The following ZC3HC1 variants were observed in gnomAD, a reference collection of about 807,000 sequenced individuals.
ZC3HC1 encodes zinc finger C3HC-type containing 1, also known as zinc finger C3HC-type protein 1.
ZC3HC1 carries 38 observed loss-of-function variants against 61.9 expected under a neutral mutation model. The observed-to-expected ratio is 0.61, with a 90% CI of 0.47 to 0.81. The LOEUF (loss-of-function observed/expected upper bound fraction) is 0.81, where lower values mean the gene tolerates loss of function less well. Among genes scored for constraint, ZC3HC1 ranks in the 30% least tolerant of loss-of-function variants. The pLI is 0.00. For missense variants in ZC3HC1, 554 were observed against 622.7 expected (o/e 0.89, Z 1.17); for synonymous variants, 213 against 229.9 (o/e 0.93, Z 0.67).
At chr7:130,041,147 T>A (rs1794650239) in intron 2 of ZC3HC1, 46 bp from the exon 3 acceptor site, 1 of 1,368,454 alleles carries the variant, frequency 7.3e-7, no homozygotes, top group Admixed American at 2.4e-5. Flanking sequence ...TATATATATG[T>A]GTGTGTATGT....
intron 2 of ZC3HC1, chr7:130,043,528 A>G (rs1794758529): frequency 1.2e-5 from 2 of 163,488 alleles, no homozygotes; most frequent in East Asian, 1.8e-4. Flanking sequence ...CAAAATGTTG[A>G]TCAATTTATA....
intron 2 of ZC3HC1, among the ~76,000 whole-genome samples, chr7:130,047,169 G>A (rs1420746130): frequency 1.3e-5 from 2 of 152,060 alleles, no homozygotes; most frequent in African/African-American, 4.8e-5. Context: ...CACCATGTTG[G>A]CCAGGCTGGT....
chr7:130,050,480 G>C (rs200647596), intron 1 of ZC3HC1: 3 of 1,516,634 alleles, frequency 2.0e-6, no homozygotes, highest in Non-Finnish European at 2.6e-6. Flanking sequence ...GCCTCAAGCG[G>C]GTGTGGTTCT....
At position 130,018,562 on chromosome 7, in the gene ZC3HC1, A is replaced by C; in HGVS notation, c.*102T>G. The stretch of plus-strand genomic sequence containing the variant: ...AGGGGGCTCCTTATGATTAACCCAG[A>C]ACAGGAAAAACTTAGTGTCAGCTGA... On this transcript the variant is annotated 3_prime_UTR_variant, in exon 10 of 10. Coordinates refer to ENST00000358303, the MANE Select transcript of ZC3HC1 (RefSeq NM_016478.5). 2 of 1,010,534 alleles carry C rather than the reference A, an allele frequency of 2.0e-6. No homozygotes were observed. The highest frequency in any genetic ancestry group is 3.0e-6 in the Non-Finnish European group (2 of 660,146). The allele number at this position is 1,010,534 out of a possible 1,614,324, so 62.6% of individuals were successfully genotyped here. A position where few individuals can be genotyped will look rare whatever the true frequency, so the allele number is the denominator to read the frequency against.
chr7:130,023,699 C>T lies in ZC3HC1; in HGVS notation c.1045G>A (p.Val349Ile), dbSNP rs1286663609. ...EQAEKSPGPIVSRTRSWDSSS... is the reference protein window; with the variant it reads ...EQAEKSPGPIISRTRSWDSSS... ...GAGTCCCAGCTCCGAGTTCGAGAGA[C>T]AATGGGACCAGGGCTCTTTTCAGCC... The change falls in exon 8 of 10, where the codon GTC becomes ATC. Residue 349 changes from valine to isoleucine, a missense_variant. Val to Ile is a conservative substitution (Grantham distance 29). Coordinates refer to ENST00000358303, the MANE Select transcript of ZC3HC1 (RefSeq NM_016478.5). This position sits in a 1 kb window ranked among gnomAD's most constrained non-coding sequence, Gnocchi z 4.2. 2.5e-6 allele frequency: 4 copies of T among 1,613,922 alleles called. No homozygotes were observed. The highest frequency in any genetic ancestry group is 2.5e-6 in the Non-Finnish European group (3 of 1,180,006).
intron 2 of ZC3HC1, chr7:130,045,448 A>G (rs946510877): frequency 2.2e-6 from 1 of 456,972 alleles, no homozygotes; most frequent in Admixed American, 2.4e-5. Context: ...CATGTTGGCC[A>G]TGTTGGAGTA....
intron 2 of ZC3HC1, 30 bp from the exon 3 acceptor site, chr7:130,041,131 A>T: frequency 3.6e-6 from 5 of 1,370,658 alleles, no homozygotes; most frequent in South Asian, 2.6e-5. Context: ...CAACACAGCA[A>T]ATATATATAT....
rs1793760996 is a variant in ZC3HC1, at chr7:130,023,807, T to C, written c.1021-84A>G. On this transcript the variant is annotated intron_variant, in intron 7 of 9. Transcript: ENST00000358303. The surrounding 1 kb of genome is among the most constrained non-coding windows in gnomAD (Gnocchi z 4.2). The stretch of plus-strand genomic sequence containing the variant: ...ATACTTCTTTCTTTAATCTTTTTTC[T>C]TTTTTTTTTTGAGACAGAGTCTCGC... 1 of 611,266 alleles carries C rather than the reference T, an allele frequency of 1.6e-6. No individual in the cohort carries two copies. The highest frequency in any genetic ancestry group is 5.2e-5 in the East Asian group (1 of 19,298). 37.9% of individuals were successfully genotyped at this position (611,266 alleles called of 1,614,324 possible).
chr7:130,026,226 G>C lies in ZC3HC1; in HGVS notation c.708C>G (p.Ile236Met), dbSNP rs1793902109. 2 of 1,614,006 alleles carry C rather than the reference G, an allele frequency of 1.2e-6. No individual in the cohort carries two copies. Among genetic ancestry groups the C allele is most frequent in the Non-Finnish European group, 1.7e-6 (2 of 1,180,010 alleles). ...DHRTDERKTT[I>M]KLGSDIQVHV... is the part of the protein sequence containing the mutation. ...GGACTTGGATGTCTGAGCCTAATTT[G>C]ATTGTAGTTTTTCTCTCATCAGTTC... Residue 236 changes from isoleucine to methionine, a missense_variant, in exon 6 of 10, where the codon ATC becomes ATG. Transcript: ENST00000358303.
At chr7:130,028,310 G>T (rs868744045) in intron 5 of ZC3HC1, among the ~76,000 whole-genome samples, 4 of 151,970 alleles carry the variant, frequency 2.6e-5, no homozygotes, top group African/African-American at 9.7e-5. Flanking sequence ...GGGAGGCCGA[G>T]GCAGGTGGAT....
intron 5 of ZC3HC1, among the ~76,000 whole-genome samples, chr7:130,028,351 G>A (rs943354604): frequency 1.3e-5 from 2 of 151,812 alleles, no homozygotes; most frequent in African/African-American, 4.8e-5. Context: ...AGAACGGCCT[G>A]ACCAATATGG....
intron 2 of ZC3HC1, among the ~76,000 whole-genome samples, chr7:130,045,890 CAAA>C (rs59500095): frequency 2.6e-5 from 1 of 38,584 alleles, no homozygotes. Context: ...GACTCCATCT[CAAA>C]AAAAAAAAAA....
At chr7:130,031,651 C>T (rs1434406969) in intron 4 of ZC3HC1, among the ~76,000 whole-genome samples, 2 of 152,166 alleles carry the variant, frequency 1.3e-5, no homozygotes, top group Non-Finnish European at 2.9e-5. Flanking sequence ...CATAGGCAGG[C>T]TTGAAAGGCT....
At chr7:130,045,033 G>A (rs952322133) in intron 2 of ZC3HC1, among the ~76,000 whole-genome samples, 9 of 152,160 alleles carry the variant, frequency 5.9e-5, no homozygotes, top group African/African-American at 2.2e-4. Flanking sequence ...TTCTCAACTG[G>A]ATACTTCAAC....
At chr7:130,043,199 C>T (rs1794746753) in intron 2 of ZC3HC1, among the ~76,000 whole-genome samples, 1 of 152,096 alleles carries the variant, frequency 6.6e-6, no homozygotes, top group South Asian at 2.1e-4. Context: ...CTCGCTTGAA[C>T]TTGGGAGGCG....
At chr7:130,035,413 C>G (rs545923037) in intron 4 of ZC3HC1, among the ~76,000 whole-genome samples, 29 of 151,024 alleles carry the variant, frequency 1.9e-4, no homozygotes, top group African/African-American at 6.3e-4. Context: ...AAAAAACAGC[C>G]GAGTGAAGTG....
At chr7:130,039,619 G>T in intron 3 of ZC3HC1, 72 bp from the exon 4 acceptor site, 1 of 1,061,196 alleles carries the variant, frequency 9.4e-7, no homozygotes, top group Non-Finnish European at 1.4e-6. Context: ...TGGCCTCTAA[G>T]AGCAGAGATT....
intron 2 of ZC3HC1, among the ~76,000 whole-genome samples, chr7:130,043,160 C>G (rs1794744987): frequency 6.6e-6 from 1 of 151,834 alleles, no homozygotes; most frequent in Non-Finnish European, 1.5e-5. Context: ...ACCTGTAATC[C>G]CAGCTATTGG....
chr7:130,029,072 T>TA, intron 4 of ZC3HC1, 43 bp from the exon 5 acceptor site: 3 of 1,574,972 alleles, frequency 1.9e-6, no homozygotes, highest in South Asian at 2.3e-5. Flanking sequence ...GTGTAAACTG[T>TA]AAAAAATAAA....
Sources: allele counts gnomAD v4.1 joint callset (sites outside exome capture counted in the v4.1 genomes callset), GRCh38; gene constraint gnomAD v4.1.1; non-coding constraint Gnocchi (gnomAD v3.1); transcripts MANE v1.5; gene names NCBI Gene and HGNC (gene_info 2026-07-23, HGNC 2026-07-21).